CTNND2: variants seen among roughly 807,000 people sequenced by gnomAD.
CTNND2 encodes catenin delta 2.
In CTNND2, 22 loss-of-function variants were observed where a neutral mutation model predicts 144.4. The observed-to-expected ratio is 0.15, with a 90% CI of 0.11 to 0.22. The LOEUF (loss-of-function observed/expected upper bound fraction) is 0.22, where lower values mean the gene tolerates loss of function less well. Ranked by LOEUF, CTNND2 falls within the 10% of genes least tolerant of loss-of-function variation. The probability of loss-of-function intolerance (pLI) is 1.00; values close to 1 mark genes in which losing one functional copy is unlikely to be tolerated. For synonymous variants in CTNND2, 751 were observed against 695.6 expected (o/e 1.08, Z -1.25); for missense variants, 1,353 against 1,618.8 (o/e 0.84, Z 2.82).
intron 9 of CTNND2, among the ~76,000 whole-genome samples, chr5:11,244,280 A>ATTTTT (rs11322159): frequency 1.6e-4 from 17 of 104,088 alleles, no homozygotes; most frequent in Middle Eastern, 5.9e-3. Flanking sequence ...GTCCTATACA[A>ATTTTT]TTTTTTTTTT....
intron 10 of CTNND2, among the ~76,000 whole-genome samples, chr5:11,226,791 T>C (rs1740406501): frequency 6.6e-6 from 1 of 152,212 alleles, no homozygotes. Context: ...AGCCTGTATG[T>C]GTTTATTGTT....
chr5:11,267,958 G>C (rs535495991), intron 9 of CTNND2, among the ~76,000 whole-genome samples: 1 of 152,196 alleles, frequency 6.6e-6, no homozygotes. Context: ...ACTTTAATGA[G>C]AAAACTAGAA....
intron 2 of CTNND2, among the ~76,000 whole-genome samples, chr5:11,625,389 A>ATC (rs57148533): frequency 0.035 from 4,845 of 140,316 alleles, 95 homozygotes; most frequent in South Asian, 0.05. Flanking sequence ...AAACAGAAAA[A>ATC]TCTCTCTCTC....
intron 2 of CTNND2, among the ~76,000 whole-genome samples, chr5:11,677,097 T>C (rs1784210999): frequency 6.6e-6 from 1 of 152,224 alleles, no homozygotes; most frequent in Non-Finnish European, 1.5e-5. Context: ...TCTGCTGCTG[T>C]ATGTAGTTAA....
At chr5:11,224,054 C>T (rs961958048) in intron 10 of CTNND2, among the ~76,000 whole-genome samples, 1 of 152,210 alleles carries the variant, frequency 6.6e-6, no homozygotes, top group Non-Finnish European at 1.5e-5. Context: ...GTCCTTCTTA[C>T]TCGGCTTTTC....
At chr5:11,234,900 G>A (rs766066903) in intron 10 of CTNND2, among the ~76,000 whole-genome samples, 108 of 152,226 alleles carry the variant, frequency 7.1e-4, no homozygotes, top group Admixed American at 5.7e-3. Flanking sequence ...GTTTCAACCC[G>A]TACAAGGCCC....
rs1743994974 is a variant in CTNND2, at chr5:11,254,401, G to C, written c.1629-17578C>G. On this transcript the variant is annotated intron_variant, in intron 9 of 21. Coordinates refer to ENST00000304623, the MANE Select transcript of CTNND2 (RefSeq NM_001332.4). ...TGGATATGATACCTGAATGTGTCTG[G>C]GCACAAAAGAATAATTTAATCATAG... 2.1e-5 allele frequency among the ~76,000 whole-genome samples: 3 copies of C among 143,644 alleles called. No individual in the cohort carries two copies. In the South Asian group the frequency reaches 6.6e-4, roughly 32 times the overall value. The allele number at this position is 143,644 out of a possible 152,430, so 94.2% of individuals were successfully genotyped here.
chr5:11,789,909 C>T (rs1352528930), intron 1 of CTNND2, among the ~76,000 whole-genome samples: 1 of 151,854 alleles, frequency 6.6e-6, no homozygotes, highest in African/African-American at 2.4e-5. Flanking sequence ...GTTTTTTAAC[C>T]AAGATTGGGT....
intron 10 of CTNND2, among the ~76,000 whole-genome samples, chr5:11,224,989 T>C (rs1470032236): frequency 1.3e-5 from 2 of 152,116 alleles, no homozygotes; most frequent in Non-Finnish European, 2.9e-5. Flanking sequence ...TGCTGTGAAG[T>C]GTGATATATG....
At chr5:11,692,034 T>G (rs1019149141) in intron 2 of CTNND2, among the ~76,000 whole-genome samples, 21 of 152,228 alleles carry the variant, frequency 1.4e-4, no homozygotes, top group African/African-American at 7.2e-5. Flanking sequence ...CAACAAAAAC[T>G]GTATGATTGA....
At chr5:11,879,355 A>ATG in intron 1 of CTNND2, among the ~76,000 whole-genome samples, 1 of 132,668 alleles carries the variant, frequency 7.5e-6, no homozygotes, top group South Asian at 2.3e-4. Flanking sequence ...ATATATATAT[A>ATG]TACATATACA....
chr5:11,812,996 C>T (rs555731090), intron 1 of CTNND2, among the ~76,000 whole-genome samples: 2 of 152,292 alleles, frequency 1.3e-5, no homozygotes, highest in South Asian at 4.1e-4. Flanking sequence ...CCAAAATCTA[C>T]TCATATAATC....
In CTNND2 at chr5:11,349,284, C is replaced by T. The variant is rs377203952; in HGVS notation, c.1373-2657G>A. 1.2e-3 allele frequency among the ~76,000 whole-genome samples: 188 copies of T among 152,244 alleles called. 4 individuals carry two copies. In the East Asian group the frequency reaches 0.027, roughly 22 times the overall value. The stretch of plus-strand genomic sequence containing the variant: ...ACACTTGGCATTGGGGAGAAAGGCC[C>T]TTTCACTGGGTGTCAGACTATATAG... On this transcript the variant is annotated intron_variant, in intron 8 of 21. Coordinates refer to ENST00000304623, the MANE Select transcript of CTNND2 (RefSeq NM_001332.4).
At chr5:11,018,906 A>G (rs1246155726) in intron 17 of CTNND2, among the ~76,000 whole-genome samples, 2 of 151,820 alleles carry the variant, frequency 1.3e-5, no homozygotes, top group Non-Finnish European at 2.9e-5. Context: ...ATGGGGTTTC[A>G]CCATGTTGGT....
chr5:11,673,646 G>T, intron 2 of CTNND2, among the ~76,000 whole-genome samples: 1 of 152,044 alleles, frequency 6.6e-6, no homozygotes, highest in East Asian at 1.9e-4. Flanking sequence ...ATGGCCTCAA[G>T]CCCAAAGCAC....
At chr5:11,835,493 T>C (rs144679953) in intron 1 of CTNND2, among the ~76,000 whole-genome samples, 19 of 152,360 alleles carry the variant, frequency 1.2e-4, no homozygotes, top group African/African-American at 3.6e-4. Context: ...TTCAATTTCC[T>C]TAATAGCTAT....
chr5:11,741,579 G>A (rs2126764706), intron 1 of CTNND2, among the ~76,000 whole-genome samples: 1 of 152,058 alleles, frequency 6.6e-6, no homozygotes, highest in African/African-American at 2.4e-5. Context: ...GGGGGCGTGG[G>A]GCTGGGGGAG....
At chr5:11,890,723 A>T (rs1250474042) in intron 1 of CTNND2, among the ~76,000 whole-genome samples, 1 of 152,204 alleles carries the variant, frequency 6.6e-6, no homozygotes, top group African/African-American at 2.4e-5. Context: ...CTGTAAACCA[A>T]CAAATAAATG....
intron 12 of CTNND2, among the ~76,000 whole-genome samples, chr5:11,138,283 A>G (rs1756357618): frequency 6.6e-6 from 1 of 152,192 alleles, no homozygotes; most frequent in Non-Finnish European, 1.5e-5. Context: ...GCCCACTGGG[A>G]AAATCACAAC....
Sources: allele counts gnomAD v4.1 joint callset (sites outside exome capture counted in the v4.1 genomes callset), GRCh38; gene constraint gnomAD v4.1.1; transcripts MANE v1.5; gene names NCBI Gene and HGNC (gene_info 2026-07-23, HGNC 2026-07-21).